Variants in THUMPD2 observed in about 807,000 individuals in gnomAD.
THUMPD2 encodes THUMP domain 2 tRNA and snRNA guanosine methyltransferase.
In THUMPD2, 56 loss-of-function variants were observed where a neutral mutation model predicts 49.4. The ratio of observed to expected loss-of-function variants is 1.13; its 90% confidence interval spans 0.91 to 1.41. THUMPD2 has a LOEUF of 1.41. Ranked by LOEUF, THUMPD2 falls within the 40% of genes most tolerant of loss-of-function variation. The pLI, the probability that THUMPD2 is intolerant of heterozygous loss-of-function variation, is 0.00. For missense variants in THUMPD2, 709 were observed against 594.5 expected, an observed-to-expected ratio of 1.19 and a Z score of -2.00; for synonymous variants, 237 against 205.2, an observed-to-expected ratio of 1.15 and a Z score of -1.32.
intron 6 of THUMPD2, among the ~76,000 whole-genome samples, chr2:39,759,832 G>A (rs1479432858): frequency 6.6e-6 from 1 of 152,108 alleles, no homozygotes; most frequent in African/African-American, 2.4e-5. Context: ...CAGGATAACA[G>A]GAAGAAATTT....
At position 39,768,389 on chromosome 2, in the gene THUMPD2, T is replaced by A. The variant is rs369336186; in HGVS notation, c.750+35A>T. On this transcript the variant is annotated intron_variant, in intron 4 of 9. Transcript: ENST00000505747. ...AGGACACTGTCTTTAAAGAATTAGG[T>A]TACAAGTATATAAAATAAAACAAAT... 22 of 1,513,012 alleles carry A rather than the reference T, an allele frequency of 1.5e-5. No individual in the cohort carries two copies. In the African/African-American group the frequency reaches 2.9e-4, roughly 20 times the overall value. The allele number at this position is 1,513,012 out of a possible 1,614,324, so 93.7% of individuals were successfully genotyped here.
At chr2:39,744,314 T>A in intron 9 of THUMPD2, 56 bp downstream of exon 9, 1 of 1,031,616 alleles carries the variant, frequency 9.7e-7, no homozygotes, top group East Asian at 2.7e-5. Flanking sequence ...CTATGATGTA[T>A]TTCGGTTAAA....
chr2:39,738,837 A>G (rs1161769582), intron 9 of THUMPD2, among the ~76,000 whole-genome samples: 1 of 152,000 alleles, frequency 6.6e-6, no homozygotes, highest in African/African-American at 2.4e-5. Context: ...GGGGCTGGAA[A>G]CTGAGGAAGC....
chr2:39,748,239 G>C lies in THUMPD2; in HGVS notation c.1079-3761C>G, dbSNP rs113848875. ...CAACTTTTTTTTGGTAAAGTTTATA[G>C]CACCACCCTAGGACACTTTGGCTGA... On this transcript the variant is annotated intron_variant, in intron 8 of 9. Transcript: ENST00000505747. 3.8e-3 allele frequency among the ~76,000 whole-genome samples: 574 copies of C among 152,220 alleles called. 2 individuals carry two copies. Among genetic ancestry groups the C allele is most frequent in the Middle Eastern group, 0.034 (10 of 294 alleles).
rs750951750 is a variant in THUMPD2, at chr2:39,779,093, C to T, written c.126+21G>A. The T allele has an allele frequency of 2.7e-6, 4 of 1,496,954 alleles. No individual in the cohort carries two copies. The South Asian group carries it at 3.8e-5, about 14-fold the overall frequency. The allele number at this position is 1,496,954 out of a possible 1,614,324, so 92.7% of individuals were successfully genotyped here. On this transcript the variant is annotated intron_variant, in intron 1 of 9. Transcript: ENST00000505747. ...GGACAGGGCCGCCCACCTCCCCAGG[C>T]GCGCAGCGAGGCCAACTCACCTGCG...
chr2:39,768,528 G>T, intron 3 of THUMPD2, 27 bp from the exon 4 acceptor site: 2 of 1,570,778 alleles, frequency 1.3e-6, no homozygotes, highest in Non-Finnish European at 1.7e-6. Context: ...TTAAAGAAAA[G>T]AATACTAAAA....
At chr2:39,774,035 T>G (rs1050981626) in intron 1 of THUMPD2, among the ~76,000 whole-genome samples, 1 of 152,222 alleles carries the variant, frequency 6.6e-6, no homozygotes, top group Non-Finnish European at 1.5e-5. Flanking sequence ...GTACCCCAGT[T>G]TCCTCTGACA....
chr2:39,772,412 G>T (rs1440886794), intron 1 of THUMPD2, among the ~76,000 whole-genome samples: 2 of 152,120 alleles, frequency 1.3e-5, no homozygotes, highest in African/African-American at 4.8e-5. Flanking sequence ...CTCCAGAAGA[G>T]GCATAAAGGA....
intron 6 of THUMPD2, chr2:39,757,190 G>T: frequency 2.6e-6 from 1 of 383,626 alleles, no homozygotes; most frequent in Non-Finnish European, 5.2e-6. Flanking sequence ...TGAGGTTCTG[G>T]GCAGACGGGA....
At chr2:39,768,538 A>C (rs781570079) in intron 3 of THUMPD2, 37 bp from the exon 4 acceptor site, 2 of 1,549,936 alleles carry the variant, frequency 1.3e-6, no homozygotes, top group South Asian at 2.3e-5. Context: ...GAATACTAAA[A>C]ATGAAAATTT....
At chr2:39,769,634 G>A (rs1277464792) in intron 3 of THUMPD2, 76 bp downstream of exon 3, 2 of 1,383,680 alleles carry the variant, frequency 1.4e-6, no homozygotes, top group African/African-American at 1.5e-5. Flanking sequence ...CCTGGGAGGT[G>A]GAGGTTGCAG....
intron 8 of THUMPD2, among the ~76,000 whole-genome samples, chr2:39,749,944 T>A: frequency 6.6e-6 from 1 of 152,228 alleles, no homozygotes; most frequent in Admixed American, 6.5e-5. Flanking sequence ...CCTTTTTATG[T>A]TTACACAGTA....
At chr2:39,754,525 A>G (rs1274250408) in intron 8 of THUMPD2, among the ~76,000 whole-genome samples, 4 of 152,198 alleles carry the variant, frequency 2.6e-5, no homozygotes, top group Non-Finnish European at 5.9e-5. Flanking sequence ...GGACCTATCT[A>G]CTACCTATCA....
intron 8 of THUMPD2, among the ~76,000 whole-genome samples, chr2:39,753,864 TCTGTTA>T (rs1675750550): frequency 6.6e-6 from 1 of 152,202 alleles, no homozygotes; most frequent in African/African-American, 2.4e-5. Flanking sequence ...TTCTAGTCTC[TCTGTTA>T]CTGTCCTTCC....
At chr2:39,776,048 C>G (rs1450497147) in intron 1 of THUMPD2, among the ~76,000 whole-genome samples, 1 of 152,120 alleles carries the variant, frequency 6.6e-6, no homozygotes, top group South Asian at 2.1e-4. Flanking sequence ...AGAGATATCT[C>G]TACAACATTC....
intron 5 of THUMPD2, among the ~76,000 whole-genome samples, chr2:39,762,999 T>C (rs1403915879): frequency 1.3e-5 from 2 of 152,042 alleles, no homozygotes; most frequent in Admixed American, 6.5e-5. Context: ...ATTATCTCAT[T>C]ACTTCAACAA....
intron 2 of THUMPD2, among the ~76,000 whole-genome samples, chr2:39,770,338 T>G (rs894203614): frequency 1.3e-5 from 2 of 152,144 alleles, no homozygotes; most frequent in Non-Finnish European, 2.9e-5. Flanking sequence ...GCATCCGTAT[T>G]GTGTTAAAAT....
chr2:39,755,433 G>A (rs1675972912), intron 7 of THUMPD2, 24 bp from the exon 8 acceptor site: 1 of 1,428,978 alleles, frequency 7.0e-7, no homozygotes, highest in Non-Finnish European at 9.5e-7. Flanking sequence ...AATATTTTAA[G>A]CATAAATAAA....
intron 6 of THUMPD2, among the ~76,000 whole-genome samples, chr2:39,760,013 A>AGT (rs1215558997): frequency 2.0e-5 from 3 of 152,210 alleles, no homozygotes; most frequent in Admixed American, 6.5e-5. Flanking sequence ...AATGTATCTT[A>AGT]GTGTGTGTGT....
Sources: gnomAD v4.1 joint callset for allele counts (sites outside exome capture counted in the v4.1 genomes callset) on GRCh38, gnomAD v4.1.1 for gene constraint, MANE v1.5 for transcripts, NCBI Gene and HGNC (gene_info 2026-07-23, HGNC 2026-07-21) for gene names.